The following GPC3 variants were observed in gnomAD, a reference collection of about 807,000 sequenced individuals.
GPC3 encodes glypican-3.
GPC3 carries 3 observed loss-of-function variants against 34.4 expected under a neutral mutation model. That is an observed-to-expected ratio of 0.09 (90% CI 0.04 to 0.23). The LOEUF (loss-of-function observed/expected upper bound fraction) is 0.23, where lower values mean the gene tolerates loss of function less well. Among genes scored for constraint, GPC3 ranks in the 10% least tolerant of loss-of-function variants. The pLI is 1.00. For missense variants in GPC3, 351 were observed against 445.6 expected (o/e 0.79, Z 1.91); for synonymous variants, 177 against 174.0 (o/e 1.02, Z -0.13).
intron 5 of GPC3, among the ~76,000 whole-genome samples, chrX:133,673,029 C>T (rs2070847648): frequency 9.2e-6 from 1 of 108,746 alleles, no homozygotes; most frequent in South Asian, 4.1e-4. Flanking sequence ...GCAACCTCTG[C>T]CTCCTGGGTT....
intron 2 of GPC3, among the ~76,000 whole-genome samples, chrX:133,806,059 A>G (rs1351118053): frequency 8.9e-6 from 1 of 112,349 alleles, no homozygotes; most frequent in East Asian, 2.8e-4. Context: ...GGAATTAAGG[A>G]AAGTAAATTA....
At chrX:133,857,988 C>T (rs2075913538) in intron 2 of GPC3, among the ~76,000 whole-genome samples, 1 of 111,567 alleles carries the variant, frequency 9.0e-6, no homozygotes, top group South Asian at 3.8e-4. Context: ...TTTAATCTGC[C>T]AGACAATGTT....
intron 4 of GPC3, among the ~76,000 whole-genome samples, chrX:133,697,533 A>C (rs1160521078): frequency 1.8e-5 from 2 of 111,533 alleles, no homozygotes; most frequent in Non-Finnish European, 3.8e-5. Context: ...GAGAGGGGCT[A>C]TCTTCCCCAT....
chrX:133,722,557 C>A (rs1158154010), intron 3 of GPC3, among the ~76,000 whole-genome samples: 4 of 112,260 alleles, frequency 3.6e-5, no homozygotes, highest in African/African-American at 9.7e-5. Context: ...ATTTGTCATG[C>A]AAATAGTATA....
intron 2 of GPC3, among the ~76,000 whole-genome samples, chrX:133,776,792 G>C (rs1005738745): frequency 2.7e-5 from 3 of 110,201 alleles, no homozygotes; most frequent in Non-Finnish European, 5.7e-5. Context: ...TCCAATCACA[G>C]TCCACGAACT....
intron 3 of GPC3, chrX:133,704,390 A>C (rs2124441325): frequency 2.9e-6 from 1 of 339,382 alleles, no homozygotes; most frequent in East Asian, 4.3e-5. Flanking sequence ...AGACAGATTA[A>C]AAAGAGAAAT....
In GPC3 at chrX:133,866,089, A is replaced by T. The variant is rs538908261; in HGVS notation, c.337+86961T>A. On this transcript the variant is annotated intron_variant, in intron 2 of 7. Transcript: ENST00000370818. ...TGAAGCTATTTTTCTGCCTTCCTCT[A>T]TGTGAGCAATAAGGAGAGAAAGAAA... 2.7e-5 allele frequency among the ~76,000 whole-genome samples: 3 copies of T among 111,261 alleles called. No homozygotes were observed. The East Asian group carries it at 8.4e-4, about 31-fold the overall frequency.
intron 2 of GPC3, among the ~76,000 whole-genome samples, chrX:133,847,182 A>T (rs2075850405): frequency 8.9e-6 from 1 of 112,057 alleles, no homozygotes; most frequent in South Asian, 3.8e-4. Context: ...TGATATAATT[A>T]CATGTGATAC....
At chrX:133,929,033 G>A (rs1307115193) in intron 2 of GPC3, among the ~76,000 whole-genome samples, 1 of 111,902 alleles carries the variant, frequency 8.9e-6, no homozygotes, top group Non-Finnish European at 1.9e-5. Context: ...CAATGCCAAG[G>A]AGCTTTTCCC....
At chrX:133,878,239 C>T (rs1419920201) in intron 2 of GPC3, among the ~76,000 whole-genome samples, 4 of 110,702 alleles carry the variant, frequency 3.6e-5, no homozygotes, top group African/African-American at 1.3e-4. Flanking sequence ...ACCAGCCTGG[C>T]CAACGTGGTG....
intron 6 of GPC3, among the ~76,000 whole-genome samples, chrX:133,639,733 C>T (rs932881645): frequency 4.9e-4 from 55 of 111,670 alleles, no homozygotes; most frequent in African/African-American, 1.6e-3. Flanking sequence ...GTTTTAGCCA[C>T]GGAACATTTT....
At chrX:133,924,755 G>T (rs1194813026) in intron 2 of GPC3, among the ~76,000 whole-genome samples, 1 of 111,837 alleles carries the variant, frequency 8.9e-6, no homozygotes, top group Non-Finnish European at 1.9e-5. Context: ...AAACATGTTA[G>T]CCCATTAGGA....
intron 6 of GPC3, among the ~76,000 whole-genome samples, chrX:133,620,874 C>T (rs891781752): frequency 6.3e-5 from 7 of 111,508 alleles, no homozygotes; most frequent in African/African-American, 2.0e-4. Flanking sequence ...CCTACATTTC[C>T]GGTTTTCCTA....
At chrX:133,756,275 G>T (rs987236444) in intron 2 of GPC3, among the ~76,000 whole-genome samples, 1 of 112,106 alleles carries the variant, frequency 8.9e-6, no homozygotes, top group African/African-American at 3.2e-5. Flanking sequence ...TGCTGCCTTC[G>T]ACCTACAGCC....
At chrX:133,883,890 G>A (rs188074648) in intron 2 of GPC3, among the ~76,000 whole-genome samples, 2 of 112,133 alleles carry the variant, frequency 1.8e-5, no homozygotes, top group African/African-American at 6.5e-5. Context: ...AACTATTAAA[G>A]TAAAGCTGTC....
chrX:133,750,965 C>T lies in GPC3; in HGVS notation c.1032+2517G>A, dbSNP rs748995562. 4.6e-5 allele frequency among the ~76,000 whole-genome samples: 5 copies of T among 109,187 alleles called. No homozygotes were observed. The South Asian group carries it at 2.1e-3, about 45-fold the overall frequency. The allele number at this position is 109,187 out of a possible 115,157, so 94.8% of individuals were successfully genotyped here. A position where few individuals can be genotyped will look rare whatever the true frequency, so the allele number is the denominator to read the frequency against. ...GCATGCGCCTGCAATCCCAGCTTCTCGGGAGGCTGAGGCAGGAGAATTGAT... is the reference window on the plus strand; with the variant it reads ...GCATGCGCCTGCAATCCCAGCTTCTTGGGAGGCTGAGGCAGGAGAATTGAT... On this transcript the variant is annotated intron_variant, in intron 3 of 7. Coordinates refer to ENST00000370818, the MANE Select transcript of GPC3 (RefSeq NM_004484.4).
At chrX:133,831,854 T>C (rs2124544485) in intron 2 of GPC3, among the ~76,000 whole-genome samples, 1 of 113,121 alleles carries the variant, frequency 8.8e-6, no homozygotes, top group Admixed American at 9.3e-5. Flanking sequence ...TCAACATCAC[T>C]AGCCATTAGG....
At chrX:133,966,670 TCAAA>T (rs941470150) in intron 1 of GPC3, among the ~76,000 whole-genome samples, 1 of 111,620 alleles carries the variant, frequency 9.0e-6, no homozygotes, top group Non-Finnish European at 1.9e-5. Context: ...CAAAAGAAAA[TCAAA>T]CACTCACTCT....
At chrX:133,743,920 C>T (rs776031397) in intron 3 of GPC3, among the ~76,000 whole-genome samples, 1 of 111,680 alleles carries the variant, frequency 9.0e-6, no homozygotes, top group East Asian at 2.8e-4. Context: ...GGAAATGATT[C>T]CCTATTTAAT....
Sources: gnomAD v4.1 joint callset for allele counts (sites outside exome capture counted in the v4.1 genomes callset) on GRCh38, gnomAD v4.1.1 for gene constraint, MANE v1.5 for transcripts, NCBI Gene and HGNC (gene_info 2026-07-23, HGNC 2026-07-21) for gene names.